Variants in VAMP7 observed in about 807,000 individuals in gnomAD.
VAMP7 encodes vesicle-associated membrane protein 7.
Under a neutral mutation model 29.6 loss-of-function variants are expected in VAMP7, and 14 were observed. The ratio of observed to expected loss-of-function variants is 0.47; its 90% CI spans 0.31 to 0.74. The LOEUF is 0.74. Ranked by LOEUF, VAMP7 falls within the 30% of genes least tolerant of loss-of-function variation. The pLI, the probability that VAMP7 is intolerant of heterozygous loss-of-function variation, is 0.05. For missense variants in VAMP7, 223 were observed against 262.4 expected, an observed-to-expected ratio of 0.85 and a Z score of 1.04; for synonymous variants, 95 against 88.1, an observed-to-expected ratio of 1.08 and a Z score of -0.44.
At chrX:155,894,812 T>A (rs1352509170) in intron 2 of VAMP7, among the ~76,000 whole-genome samples, 1 of 151,910 alleles carries the variant, frequency 6.6e-6, no homozygotes, top group Admixed American at 6.6e-5. Context: ...GACGGGGTTT[T>A]GCCATGTTGC....
At chrX:155,911,783 A>G (rs1423002891) in intron 5 of VAMP7, among the ~76,000 whole-genome samples, 4 of 152,180 alleles carry the variant, frequency 2.6e-5, no homozygotes, top group Non-Finnish European at 5.9e-5. Flanking sequence ...GCATAGAAAC[A>G]TTACAGATAT....
chrX:155,910,495 TG>T (rs1475788555), intron 5 of VAMP7, among the ~76,000 whole-genome samples: 1 of 152,154 alleles, frequency 6.6e-6, no homozygotes, highest in East Asian at 1.9e-4. Context: ...CTGGATCATA[TG>T]GTAGTTTAAT....
chrX:155,922,975 C>T (rs2205601), intron 6 of VAMP7, among the ~76,000 whole-genome samples: 96,971 of 151,668 alleles, frequency 0.64, 31,459 homozygotes, highest in African/African-American at 0.76. Flanking sequence ...TAGCTCCATT[C>T]TGTCATTTTC....
intron 1 of VAMP7, among the ~76,000 whole-genome samples, chrX:155,882,506 C>T (rs968076011): frequency 6.6e-6 from 1 of 152,162 alleles, no homozygotes; most frequent in Admixed American, 6.5e-5. Context: ...TTTTCGTAAA[C>T]ACCTCTTCTT....
intron 5 of VAMP7, among the ~76,000 whole-genome samples, chrX:155,908,193 G>A (rs2066178264): frequency 6.6e-6 from 1 of 152,216 alleles, no homozygotes; most frequent in African/African-American, 2.4e-5. Flanking sequence ...GGCACTTTGG[G>A]AGGCCAAGGC....
At chrX:155,927,473 C>T (rs1446879186) in intron 6 of VAMP7, among the ~76,000 whole-genome samples, 7 of 130,258 alleles carry the variant, frequency 5.4e-5, no homozygotes, top group African/African-American at 2.0e-4. Flanking sequence ...CACAGACCTT[C>T]GATTTGCCAA....
At chrX:155,939,582 G>A (rs1227838292) in intron 6 of VAMP7, 119 bp from the exon 7 acceptor site, 3 of 782,534 alleles carry the variant, frequency 3.8e-6, no homozygotes, top group Non-Finnish European at 4.6e-6. Context: ...GTCTCTACTT[G>A]TAAAGAGAGG....
intron 6 of VAMP7, among the ~76,000 whole-genome samples, chrX:155,927,845 G>T (rs1219883671): frequency 6.8e-6 from 1 of 147,962 alleles, no homozygotes; most frequent in African/African-American, 2.5e-5. Flanking sequence ...CAAAGAGATT[G>T]TCATTTCTCT....
intron 5 of VAMP7, 106 bp downstream of exon 5, chrX:155,900,693 A>G: frequency 1.1e-6 from 1 of 914,544 alleles, no homozygotes; most frequent in Non-Finnish European, 1.7e-6. Flanking sequence ...CCTTATTCTT[A>G]CCATTGGAAG....
chrX:155,915,220 A>G (rs1160111698), intron 5 of VAMP7, among the ~76,000 whole-genome samples: 1 of 151,866 alleles, frequency 6.6e-6, no homozygotes, highest in Non-Finnish European at 1.5e-5. Context: ...CCCCTTTATC[A>G]TTTTTTATTG....
chrX:155,939,707 A>G lies in VAMP7; in HGVS notation c.508A>G (p.Thr170Ala). 6.2e-7 allele frequency: 1 copy of G among 1,613,690 alleles called. No homozygotes were observed. The highest frequency in any genetic ancestry group is 8.5e-7 in the Non-Finnish European group (1 of 1,179,654). ...KTENLVDSSV[T>A]FKTTSRNLAR... The stretch of plus-strand genomic sequence containing the variant: ...ATTCTCGCCTCTTTTCTAGTCTGTC[A>G]CCTTCAAAACTACCAGCAGAAATCT... The change falls in exon 7 of 8, where the codon ACC becomes GCC. Residue 170 changes from threonine (T) to alanine (A), a missense_variant. By Grantham distance (58) the Thr-to-Ala change is moderately conservative. Coordinates refer to ENST00000286448, the MANE Select transcript of VAMP7 (RefSeq NM_005638.6).
intron 6 of VAMP7, among the ~76,000 whole-genome samples, chrX:155,935,714 C>T (rs1224307160): frequency 1.3e-5 from 2 of 152,194 alleles, no homozygotes; most frequent in Non-Finnish European, 2.9e-5. Flanking sequence ...CAAAGTCATT[C>T]TCTGTCTACC....
intron 5 of VAMP7, among the ~76,000 whole-genome samples, chrX:155,912,931 G>A (rs1395033734): frequency 1.3e-5 from 2 of 152,108 alleles, no homozygotes; most frequent in Non-Finnish European, 2.9e-5. Flanking sequence ...TTGAGGAATC[G>A]CCACACTGTC....
chrX:155,900,677 G>A, intron 5 of VAMP7, 90 bp downstream of exon 5: 2 of 1,097,508 alleles, frequency 1.8e-6, no homozygotes, highest in East Asian at 2.6e-5. Flanking sequence ...AGCCAAAATA[G>A]CACTTCCTTA....
chrX:155,915,563 G>A (rs1281092607), intron 5 of VAMP7, among the ~76,000 whole-genome samples: 2 of 152,094 alleles, frequency 1.3e-5, no homozygotes, highest in Non-Finnish European at 2.9e-5. Flanking sequence ...GGTACGTTGT[G>A]TCTTTATTCT....
chrX:155,899,001 A>G (rs770808678), intron 4 of VAMP7, among the ~76,000 whole-genome samples: 3 of 152,126 alleles, frequency 2.0e-5, no homozygotes, highest in Admixed American at 1.3e-4. Flanking sequence ...GCTAAGTAGT[A>G]GTATATGCAT....
At chrX:155,900,838 C>A (rs1250771984) in intron 5 of VAMP7, among the ~76,000 whole-genome samples, 1 of 152,072 alleles carries the variant, frequency 6.6e-6, no homozygotes, top group Non-Finnish European at 1.5e-5. Context: ...TATGATAATT[C>A]AGCAGTTTAG....
chrX:155,939,778 C>T lies in VAMP7; in HGVS notation c.579C>T (p.Ile193=). The stretch of plus-strand genomic sequence containing the variant: ...AGAACCTCAAGCTCACTATTATCAT[C>T]ATCATCGTATCAATTGTAAGTTTTT... ...CMKNLKLTII[I]IIVSIVFIYI... The change falls in exon 7 of 8, where the codon ATC becomes ATT. Residue 193 remains isoleucine (I), a synonymous_variant. Transcript: ENST00000286448. 1 of 1,613,318 alleles carries T rather than the reference C, an allele frequency of 6.2e-7. No homozygotes were observed. Among genetic ancestry groups the T allele is most frequent in the African/African-American group, 1.3e-5 (1 of 75,016 alleles).
In VAMP7 at chrX:155,888,009, A is replaced by T. The variant is rs192627684; in HGVS notation, c.-9-1449A>T. On this transcript the variant is annotated intron_variant, in intron 1 of 7. Transcript: ENST00000286448. The stretch of plus-strand genomic sequence containing the variant: ...TAGGGAGGCTTTAGGATCAAGGGAG[A>T]TAAAGTATAAGACAGCAATTTGGAA... Among the ~76,000 whole-genome samples, 176 of 151,944 alleles carry T rather than the reference A, an allele frequency of 1.2e-3. 2 individuals are homozygous for T. Among genetic ancestry groups the T allele is most frequent in the African/African-American group, 4.2e-3 (172 of 41,326 alleles).
Sources: gnomAD v4.1 joint callset for allele counts (sites outside exome capture counted in the v4.1 genomes callset) on GRCh38, gnomAD v4.1.1 for gene constraint, MANE v1.5 for transcripts, NCBI Gene and HGNC (gene_info 2026-07-23, HGNC 2026-07-21) for gene names.